KIAA0232: variants seen among roughly 807,000 people sequenced by gnomAD.
KIAA0232 encodes the protein KIAA0232.
A neutral mutation model predicts 122.0 loss-of-function variants in KIAA0232; 27 were observed. That is an observed-to-expected ratio of 0.22 (90% CI 0.16 to 0.31). The LOEUF is 0.31. Ranked by LOEUF, KIAA0232 falls within the 10% of genes least tolerant of loss-of-function variation. The pLI, the probability that KIAA0232 is intolerant of heterozygous loss-of-function variation, is 1.00. For missense variants in KIAA0232, 1,551 were observed against 1,634.2 expected (o/e 0.95, Z 0.88); for synonymous variants, 613 against 587.6 (o/e 1.04, Z -0.63).
intron 2 of KIAA0232, among the ~76,000 whole-genome samples, chr4:6,814,592 C>G (rs1347007605): frequency 6.6e-6 from 1 of 152,014 alleles, no homozygotes; most frequent in Non-Finnish European, 1.5e-5. Flanking sequence ...CACAGATAGA[C>G]TTTTCATTTT....
At chr4:6,792,000 C>T (rs1032572024) in intron 1 of KIAA0232, among the ~76,000 whole-genome samples, 5 of 152,190 alleles carry the variant, frequency 3.3e-5, no homozygotes, top group African/African-American at 1.2e-4. Flanking sequence ...TGCATAATCT[C>T]TCCTCTTTTG....
intron 2 of KIAA0232, among the ~76,000 whole-genome samples, chr4:6,819,167 G>T (rs1718298902): frequency 6.6e-6 from 1 of 152,112 alleles, no homozygotes; most frequent in Non-Finnish European, 1.5e-5. Flanking sequence ...CCTTAGGAAA[G>T]AATTTGTGAC....
At chr4:6,787,824 T>C (rs1271167774) in intron 1 of KIAA0232, among the ~76,000 whole-genome samples, 2 of 152,216 alleles carry the variant, frequency 1.3e-5, no homozygotes, top group Non-Finnish European at 2.9e-5. Context: ...CCAGAGGTTC[T>C]CAACATTTCC....
Position 6,881,184 on chromosome 4 carries a change from G to T in KIAA0232, c.*218G>T. The stretch of plus-strand genomic sequence containing the variant: ...CCAGCTGTTAAATTCTTGGCTATTT[G>T]AAATAGACTAGATTGTGTTGTCAAA... On this transcript the variant is annotated 3_prime_UTR_variant, in exon 10 of 10. Transcript: ENST00000307659. 1 of 401,076 alleles carries T rather than the reference G, an allele frequency of 2.5e-6. No individual in the cohort carries two copies. Among genetic ancestry groups the T allele is most frequent in the Non-Finnish European group, 4.4e-6 (1 of 227,116 alleles). 24.8% of individuals were successfully genotyped at this position (401,076 alleles called of 1,614,324 possible). A position where few individuals can be genotyped will look rare whatever the true frequency, so the allele number is the denominator to read the frequency against.
intron 4 of KIAA0232, among the ~76,000 whole-genome samples, chr4:6,848,835 G>A (rs1720115982): frequency 6.6e-6 from 1 of 152,184 alleles, no homozygotes; most frequent in South Asian, 2.1e-4. Context: ...TCTCTCTACA[G>A]ACCAGAACCC....
At chr4:6,852,824 G>T (rs1419762651) in intron 4 of KIAA0232, among the ~76,000 whole-genome samples, 1 of 152,206 alleles carries the variant, frequency 6.6e-6, no homozygotes, top group Non-Finnish European at 1.5e-5. Context: ...ATGGCTGGGA[G>T]CTGTGACCTT....
intron 2 of KIAA0232, among the ~76,000 whole-genome samples, chr4:6,816,815 G>A (rs1718150048): frequency 6.6e-6 from 1 of 152,064 alleles, no homozygotes; most frequent in Non-Finnish European, 1.5e-5. Flanking sequence ...TTCTTGAGTA[G>A]GCTTTGGTAG....
intron 6 of KIAA0232, among the ~76,000 whole-genome samples, chr4:6,859,100 TAAAAAAA>T: frequency 9.4e-6 from 1 of 106,284 alleles, no homozygotes; most frequent in South Asian, 3.1e-4. Flanking sequence ...TCTGTCTTAT[TAAAAAAA>T]AAAAAAAAAA....
chr4:6,839,013 C>G (rs1719499211), intron 3 of KIAA0232, among the ~76,000 whole-genome samples: 1 of 152,094 alleles, frequency 6.6e-6, no homozygotes, highest in Non-Finnish European at 1.5e-5. Context: ...CCTGCAATCC[C>G]AGCTACTCAG....
chr4:6,799,488 A>G (rs1420962098), intron 1 of KIAA0232, among the ~76,000 whole-genome samples: 4 of 151,890 alleles, frequency 2.6e-5, no homozygotes, highest in Non-Finnish European at 4.4e-5. Flanking sequence ...ATCTCTTTAC[A>G]TTAAAGCTAG....
At chr4:6,819,418 A>G (rs1178077285) in intron 2 of KIAA0232, among the ~76,000 whole-genome samples, 1 of 152,178 alleles carries the variant, frequency 6.6e-6, no homozygotes, top group Non-Finnish European at 1.5e-5. Context: ...ACAAGAAAAA[A>G]AAGACCCCAC....
Position 6,882,904 on chromosome 4 carries a change from T to G in KIAA0232, c.*1938T>G, listed in dbSNP as rs1280445646. ...AATAAATAGATTTCAGACACAACCT[T>G]GAGCACAGTTGATTTTGGACAGCTG... On this transcript the variant is annotated 3_prime_UTR_variant, in exon 10 of 10. Coordinates refer to ENST00000307659, the MANE Select transcript of KIAA0232 (RefSeq NM_014743.3). 1.3e-5 allele frequency: 2 copies of G among 152,598 alleles called. No individual in the cohort carries two copies. The highest frequency in any genetic ancestry group is 2.9e-5 in the Non-Finnish European group (2 of 68,040). 9.5% of individuals were successfully genotyped at this position (152,598 alleles called of 1,614,324 possible).
At chr4:6,784,129 A>G (rs1334207572) in intron 1 of KIAA0232, among the ~76,000 whole-genome samples, 2 of 151,662 alleles carry the variant, frequency 1.3e-5, no homozygotes, top group African/African-American at 4.8e-5. Flanking sequence ...GATTCAGCGG[A>G]GAGGAGGCAT....
chr4:6,875,258 T>C lies in KIAA0232; in HGVS notation c.3911-1402T>C, dbSNP rs187690899. 4.6e-3 allele frequency among the ~76,000 whole-genome samples: 704 copies of C among 152,376 alleles called. 1 individual carries two copies. Among genetic ancestry groups the C allele is most frequent in the Non-Finnish European group, 8.1e-3 (548 of 68,040 alleles). On this transcript the variant is annotated intron_variant, in intron 8 of 9. Transcript: ENST00000307659. The stretch of plus-strand genomic sequence containing the variant: ...CACTGTGCTTGAGGCTTCACCTCTT[T>C]GAATTTGCACAGAAATGTAGGAGGG...
rs991495776 is a variant in KIAA0232 at position 6,855,450 on chromosome 4, TG to T, written c.370-1712del. Among the ~76,000 whole-genome samples, 1 of 152,096 alleles carries T rather than the reference TG, an allele frequency of 6.6e-6. No homozygotes were observed. Among genetic ancestry groups the T allele is most frequent in the Non-Finnish European group, 1.5e-5 (1 of 68,016 alleles). ...CAAGAAAAGAACAGAAAAACCTGGT[TG>T]GTAGAGCTTGCTTTTACACAGAGAG... On this transcript the variant is annotated intron_variant, in intron 4 of 9. Coordinates refer to ENST00000307659, the MANE Select transcript of KIAA0232 (RefSeq NM_014743.3). This position sits in a 1 kb window ranked among gnomAD's most constrained non-coding sequence, Gnocchi z 4.3.
intron 8 of KIAA0232, among the ~76,000 whole-genome samples, chr4:6,874,621 A>T (rs1721657217): frequency 1.3e-5 from 2 of 152,214 alleles, no homozygotes; most frequent in African/African-American, 4.8e-5. Context: ...AGCAGTACAG[A>T]CAGGTGGTGA....
chr4:6,785,293 C>T (rs769353203), intron 1 of KIAA0232, among the ~76,000 whole-genome samples: 58 of 152,188 alleles, frequency 3.8e-4, no homozygotes, highest in Admixed American at 7.2e-4. Flanking sequence ...AGCTAGCCTA[C>T]TCTGTGCTAT....
rs752428517 is a variant in KIAA0232 at position 6,800,043 on chromosome 4, C to CTTTTTTTTTTTTTTTT, written c.-353-4463_-353-4448dup. On this transcript the variant is annotated intron_variant, in intron 1 of 9. Transcript: ENST00000307659. ...TTTCTTTTTCTTTCTTTCTTTCTTT[C>CTTTTTTTTTTTTTTTT]TTTTTTTTTTTTTTTTTTTTTTTTT... Among the ~76,000 whole-genome samples the CTTTTTTTTTTTTTTTT allele has an allele frequency of 2.2e-3, 134 of 60,064 alleles. 18 individuals are homozygous for CTTTTTTTTTTTTTTTT. Among genetic ancestry groups the CTTTTTTTTTTTTTTTT allele is most frequent in the South Asian group, 3.1e-3 (6 of 1,916 alleles). 39.4% of individuals were successfully genotyped at this position (60,064 alleles called of 152,430 possible). A position where few individuals can be genotyped will look rare whatever the true frequency, so the allele number is the denominator to read the frequency against.
intron 3 of KIAA0232, among the ~76,000 whole-genome samples, chr4:6,827,393 C>T (rs551598717): frequency 6.6e-6 from 1 of 152,308 alleles, no homozygotes; most frequent in South Asian, 2.1e-4. Flanking sequence ...CTTCTGTCAT[C>T]AGAACTCCAG....
Sources: allele counts gnomAD v4.1 joint callset (sites outside exome capture counted in the v4.1 genomes callset), GRCh38; gene constraint gnomAD v4.1.1; non-coding constraint Gnocchi (gnomAD v3.1); transcripts MANE v1.5; gene names NCBI Gene and HGNC (gene_info 2026-07-23, HGNC 2026-07-21).